The following NLRP12 variants were observed in gnomAD, a reference collection of about 807,000 sequenced individuals.
The protein encoded by NLRP12 is NACHT, LRR and PYD domains-containing protein 12.
Under a neutral mutation model 91.2 loss-of-function variants are expected in NLRP12, and 108 were observed. That is an observed-to-expected ratio of 1.18 (90% CI 1.01 to 1.39). The LOEUF (loss-of-function observed/expected upper bound fraction) is 1.39, where lower values mean the gene tolerates loss of function less well. Ranked by LOEUF, NLRP12 falls within the 40% of genes most tolerant of loss-of-function variation. The pLI is 0.00. For missense variants in NLRP12, 1,530 were observed against 1,352.7 expected (o/e 1.13, Z -2.06); for synonymous variants, 613 against 566.7 (o/e 1.08, Z -1.16).
chr19:53,805,197 T>G, intron 5 of NLRP12, 83 bp downstream of exon 5: 1 of 1,414,208 alleles, frequency 7.1e-7, no homozygotes, highest in Non-Finnish European at 1.0e-6. Flanking sequence ...AGGTGGAGAT[T>G]TGGGGATTAC....
chr19:53,817,210 A>G (rs2092174299), intron 1 of NLRP12, among the ~76,000 whole-genome samples: 1 of 151,658 alleles, frequency 6.6e-6, no homozygotes, highest in Non-Finnish European at 1.5e-5. Context: ...AGGTGGGATT[A>G]CCTGATGTCA....
chr19:53,807,649 G>A lies in NLRP12; in HGVS notation c.2089C>T (p.Leu697=). The A allele has an allele frequency of 6.2e-7, 1 of 1,614,174 alleles. No individual in the cohort carries two copies. Among genetic ancestry groups the A allele is most frequent in the Non-Finnish European group, 8.5e-7 (1 of 1,180,034 alleles). The change falls in exon 4 of 10, where the codon CTG becomes TTG. Residue 697 remains leucine, a synonymous_variant. Coordinates refer to ENST00000324134, the MANE Select transcript of NLRP12 (RefSeq NM_144687.4). The stretch of plus-strand genomic sequence containing the variant: ...AGATGTTCACTGTAGGCGTCCAGCA[G>A]AACGGTCCTCTCTGGTCTGCTTGAA... ...LLVQLPERTV[L]LDAYSEHLAA... is the part of the protein sequence containing the mutation.
intron 8 of NLRP12, chr19:53,796,251 T>C: frequency 1.8e-6 from 1 of 542,846 alleles, no homozygotes; most frequent in Non-Finnish European, 3.4e-6. Flanking sequence ...TTTTGTATCC[T>C]TTTATTTTTG....
In NLRP12 at chr19:53,794,076, T is replaced by C. The variant is rs747279509; in HGVS notation, c.3159A>G (p.Thr1053=). 3.1e-6 allele frequency: 5 copies of C among 1,613,950 alleles called. No individual in the cohort carries two copies. Among genetic ancestry groups the C allele is most frequent in the Non-Finnish European group, 3.4e-6 (4 of 1,179,846 alleles). The change falls in exon 10 of 10, where the codon ACA becomes ACG. Residue 1053 remains threonine (T), a synonymous_variant. Coordinates refer to ENST00000324134, the MANE Select transcript of NLRP12 (RefSeq NM_144687.4). ...THSRLAALRV[T]KPYLDIGC ...AGCAGCCAATGTCCAAATAAGGTTT[T>C]GTTACTCGAAGCGCTGCCAACCTAC...
chr19:53,809,874 G>A lies in NLRP12; in HGVS notation c.1785C>T (p.Ile595=), dbSNP rs1460244049. The A allele has an allele frequency of 6.2e-7, 1 of 1,614,080 alleles. No homozygotes were observed. The highest frequency in any genetic ancestry group is 8.5e-7 in the Non-Finnish European group (1 of 1,180,034). ...PHIKMDLLQW[I]QSKAQSDGST... is the part of the protein sequence containing the mutation. ...AGCCGTCGCTCTGAGCTTTGCTTTG[G>A]ATCCACTGCAACAGGTCCATCTTGA... The change falls in exon 3 of 10, where the codon ATC becomes ATT. Residue 595 remains isoleucine, a synonymous_variant. Transcript: ENST00000324134.
intron 1 of NLRP12, among the ~76,000 whole-genome samples, chr19:53,816,858 T>C (rs543295456): frequency 8.0e-5 from 12 of 150,570 alleles, no homozygotes; most frequent in African/African-American, 1.9e-4. Context: ...AAATTTTTAA[T>C]TGGAGAAGGT....
chr19:53,795,682 G>A (rs997870759), intron 9 of NLRP12, among the ~76,000 whole-genome samples, 177 bp downstream of exon 9: 1 of 152,130 alleles, frequency 6.6e-6, no homozygotes, highest in Non-Finnish European at 1.5e-5. Flanking sequence ...CCTCAGACAA[G>A]GAAATTATCC....
Position 53,801,207 on chromosome 19 carries a change from G to C in NLRP12, c.2756+20C>G. On this transcript the variant is annotated intron_variant, in intron 7 of 9. Transcript: ENST00000324134. ...TTCATGGATTGGGACTCCTAGCGTG[G>C]TGAGCAAAACGGGACTCACCGCAGG... is the stretch of plus-strand genomic sequence containing the variant. 6.2e-7 allele frequency: 1 copy of C among 1,613,140 alleles called. No individual in the cohort carries two copies. The highest frequency in any genetic ancestry group is 8.5e-7 in the Non-Finnish European group (1 of 1,179,320).
At position 53,801,401 on chromosome 19, in the gene NLRP12, C is replaced by G; in HGVS notation, c.2586-4G>C. 1.9e-6 allele frequency: 3 copies of G among 1,612,456 alleles called. No homozygotes were observed. The highest frequency in any genetic ancestry group is 2.5e-6 in the Non-Finnish European group (3 of 1,179,482). ...AGTGAGGCGGCAGATCTTCAGCCTG[C>G]ACAAAGTCCAATTCAACAAGCATTA... On this transcript the variant is annotated splice_polypyrimidine_tract_variant and splice_region_variant and intron_variant, in intron 6 of 9. Coordinates refer to ENST00000324134, the MANE Select transcript of NLRP12 (RefSeq NM_144687.4).
intron 1 of NLRP12, among the ~76,000 whole-genome samples, chr19:53,816,888 G>T (rs2092168305): frequency 6.6e-6 from 1 of 151,972 alleles, no homozygotes; most frequent in South Asian, 2.1e-4. Context: ...GAGGAAAGGG[G>T]AAAATAGGGA....
At chr19:53,803,880 T>C (rs1367151214) in intron 6 of NLRP12, 72 bp downstream of exon 6, 1 of 1,484,362 alleles carries the variant, frequency 6.7e-7, no homozygotes, top group Admixed American at 1.7e-5. Context: ...GACCTGTGGA[T>C]GCATTTTTAT....
chr19:53,819,435 ATATATATATATATATATATATATG>A lies in NLRP12; in HGVS notation c.289+4427_290-4448del, dbSNP rs1223130821. ...AATATATATATATATATATATATAT[ATATATATATATATATATATATATG>A]TGTGTGTGTGTGTGTGTGTGTGTGT... On this transcript the variant is annotated intron_variant, in intron 1 of 9. Transcript: ENST00000324134. Among the ~76,000 whole-genome samples, 4 of 22,748 alleles carry A rather than the reference ATATATATATATATATATATATATG, an allele frequency of 1.8e-4. 1 individual carries two copies. The highest frequency in any genetic ancestry group is 5.4e-4 in the African/African-American group (4 of 7,360). The allele number at this position is 22,748 out of a possible 152,430, so 14.9% of individuals were successfully genotyped here.
chr19:53,803,029 G>A (rs946882948), intron 6 of NLRP12, among the ~76,000 whole-genome samples: 3 of 152,102 alleles, frequency 2.0e-5, no homozygotes. Context: ...GATTACAGCT[G>A]TGAGCCACCG....
At position 53,801,400 on chromosome 19, in the gene NLRP12, G is replaced by A; in HGVS notation, c.2586-3C>T. 6.2e-7 allele frequency: 1 copy of A among 1,611,278 alleles called. No individual in the cohort carries two copies. The highest frequency in any genetic ancestry group is 8.5e-7 in the Non-Finnish European group (1 of 1,179,164). On this transcript the variant is annotated splice_polypyrimidine_tract_variant and splice_region_variant and intron_variant, in intron 6 of 9. Transcript: ENST00000324134. The stretch of plus-strand genomic sequence containing the variant: ...CAGTGAGGCGGCAGATCTTCAGCCT[G>A]CACAAAGTCCAATTCAACAAGCATT...
At chr19:53,819,102 A>G (rs1347015794) in intron 1 of NLRP12, among the ~76,000 whole-genome samples, 1 of 152,076 alleles carries the variant, frequency 6.6e-6, no homozygotes, top group Non-Finnish European at 1.5e-5. Context: ...GCTGGGAGAG[A>G]TTTAGGCGGA....
At chr19:53,820,575 G>A (rs1328441584) in intron 1 of NLRP12, among the ~76,000 whole-genome samples, 1 of 152,080 alleles carries the variant, frequency 6.6e-6, no homozygotes, top group African/African-American at 2.4e-5. Context: ...GGGGCTCTGT[G>A]GTGCACACCT....
chr19:53,809,536 A>AAAC (rs2092020746), intron 3 of NLRP12, 51 bp downstream of exon 3: 7 of 1,460,704 alleles, frequency 4.8e-6, no homozygotes, highest in Non-Finnish European at 4.6e-6. Context: ...AAAAAAAAAA[A>AAAC]AAAAACACAC....
Position 53,809,625 on chromosome 19 carries a change from C to G in NLRP12, c.2034G>C (p.Ala678=). 2.5e-6 allele frequency: 4 copies of G among 1,613,584 alleles called. No homozygotes were observed. The highest frequency in any genetic ancestry group is 3.4e-6 in the Non-Finnish European group (4 of 1,179,974). ...GCGTGTGCGCTCCTGCGGAGCACCTCGCGCGGTCTTCCCCGTCCGCGCTGT... is the reference window on the plus strand; with the variant it reads ...GCGTGTGCGCTCCTGCGGAGCACCTGGCGCGGTCTTCCCCGTCCGCGCTGT... ...ATYSADGEDR[A]RCSAGAHTLL... Residue 678 remains alanine, a synonymous_variant, in exon 3 of 10, where the codon GCG becomes GCC. Coordinates refer to ENST00000324134, the MANE Select transcript of NLRP12 (RefSeq NM_144687.4).
intron 1 of NLRP12, among the ~76,000 whole-genome samples, chr19:53,818,764 C>T (rs568156199): frequency 2.0e-5 from 3 of 152,268 alleles, no homozygotes; most frequent in African/African-American, 7.2e-5. Flanking sequence ...AGGCATGCCG[C>T]GAGAACCAGC....
Sources: gnomAD v4.1 joint callset for allele counts (sites outside exome capture counted in the v4.1 genomes callset) on GRCh38, gnomAD v4.1.1 for gene constraint, MANE v1.5 for transcripts, NCBI Gene and HGNC (gene_info 2026-07-23, HGNC 2026-07-21) for gene names.